OSBPL10: variants seen among roughly 807,000 people sequenced by gnomAD.
OSBPL10 encodes oxysterol-binding protein-related protein 10.
In OSBPL10, 49 loss-of-function variants were observed where a neutral mutation model predicts 81.7. That is an observed-to-expected ratio of 0.60 (90% CI 0.48 to 0.76). OSBPL10 has a LOEUF of 0.76. Ranked by LOEUF, OSBPL10 falls within the 30% of genes least tolerant of loss-of-function variation. The pLI is 0.00. For missense variants in OSBPL10, 923 were observed against 987.8 expected (o/e 0.93, Z 0.88); for synonymous variants, 419 against 383.6 (o/e 1.09, Z -1.08).
rs1315713480 is a variant in OSBPL10, at chr3:32,064,280, T to C, written n.185+13116A>G. ...CACCTGGCCAGTATTTCTTTTTTTA[T>C]ACCAGATATGTGCTATTTGAAAACT... On this transcript the variant is annotated intron_variant and non_coding_transcript_variant, in intron 1 of 3. Transcript: ENST00000479173. The C allele has an allele frequency of 2.1e-5, 2 of 94,244 alleles. 1 individual carries two copies. Among genetic ancestry groups the C allele is most frequent in the African/African-American group, 5.5e-5 (2 of 36,540 alleles). The allele number at this position is 94,244 out of a possible 1,614,324, so 5.8% of individuals were successfully genotyped here. A position where few individuals can be genotyped will look rare whatever the true frequency, so the allele number is the denominator to read the frequency against.
intron 3 of OSBPL10, among the ~76,000 whole-genome samples, chr3:31,858,452 C>A (rs1344464900): frequency 6.6e-6 from 1 of 152,082 alleles, no homozygotes; most frequent in African/African-American, 2.4e-5. Context: ...TTCGCAGGGC[C>A]CAACTTAGCT....
chr3:32,049,051 C>T (rs916944345), intron 1 of OSBPL10, among the ~76,000 whole-genome samples: 4 of 152,130 alleles, frequency 2.6e-5, no homozygotes, highest in Non-Finnish European at 4.4e-5. Context: ...AGGGAAGGAC[C>T]CCTCAGTTCC....
intron 1 of OSBPL10, among the ~76,000 whole-genome samples, chr3:31,973,012 G>A (rs1698606178): frequency 2.0e-5 from 3 of 152,158 alleles, no homozygotes; most frequent in Non-Finnish European, 4.4e-5. Flanking sequence ...ACCATATTCA[G>A]TCCAGTCTAG....
intron 2 of OSBPL10, among the ~76,000 whole-genome samples, chr3:32,020,591 A>C (rs1391860926): frequency 6.6e-6 from 1 of 152,206 alleles, no homozygotes; most frequent in Non-Finnish European, 1.5e-5. Flanking sequence ...TGCTGCTATG[A>C]GTAATTGCGT....
rs563619550 is a variant in OSBPL10, at chr3:31,702,811, C to T, written c.1096-303G>A. Among the ~76,000 whole-genome samples the T allele has an allele frequency of 1.9e-4, 29 of 152,266 alleles. No individual in the cohort carries two copies. In the South Asian group the frequency reaches 5.4e-3, roughly 28 times the overall value. On this transcript the variant is annotated intron_variant, in intron 6 of 11. Transcript: ENST00000396556. The stretch of plus-strand genomic sequence containing the variant: ...CTAACTATAGTATATGGGTATGAGC[C>T]CCCTTCATTTTGCCTATTAGCAAGT...
intron 1 of OSBPL10, among the ~76,000 whole-genome samples, chr3:31,892,157 AAGAGG>A (rs771469819): frequency 1.3e-5 from 2 of 151,686 alleles, no homozygotes; most frequent in East Asian, 1.9e-4. Flanking sequence ...GGACTCGGGG[AAGAGG>A]AGAGGAGAGA....
At chr3:31,951,299 TACA>T (rs1223211430) in intron 1 of OSBPL10, among the ~76,000 whole-genome samples, 3 of 152,068 alleles carry the variant, frequency 2.0e-5, no homozygotes, top group Non-Finnish European at 2.9e-5. Context: ...GAAAACTATA[TACA>T]ACATCCTTTT....
chr3:31,784,185 AAAAAC>A (rs1440964923), intron 4 of OSBPL10, among the ~76,000 whole-genome samples: 3 of 151,952 alleles, frequency 2.0e-5, no homozygotes, highest in Admixed American at 2.0e-4. Context: ...CTAAAAATAC[AAAAAC>A]AAAACAAAAC....
intron 1 of OSBPL10, among the ~76,000 whole-genome samples, chr3:31,925,077 C>CA (rs1256988364): frequency 6.6e-6 from 1 of 151,918 alleles, no homozygotes; most frequent in African/African-American, 2.4e-5. Context: ...TGGCTGTCAC[C>CA]AAAAAAACTC....
At chr3:31,757,264 A>G (rs193063413) in intron 4 of OSBPL10, among the ~76,000 whole-genome samples, 28 of 152,282 alleles carry the variant, frequency 1.8e-4, no homozygotes, top group African/African-American at 5.5e-4. Flanking sequence ...TAAGATCTTG[A>G]GGGTGGTCCC....
rs970532805 is a variant in OSBPL10 at position 31,879,745 on chromosome 3, A to G, written c.367T>C (p.Ser123Pro). The G allele has an allele frequency of 1.9e-6, 3 of 1,614,070 alleles. No homozygotes were observed. The highest frequency in any genetic ancestry group is 2.5e-6 in the Non-Finnish European group (3 of 1,180,040). ...SKHQKPRGVL[S>P]LSGAIVSLSD... ...AGGGACACTATGGCTCCAGATAAAGACAGGACTCCTCGAGGCTTCTGGTGT... is the reference window on the plus strand; with the variant it reads ...AGGGACACTATGGCTCCAGATAAAGGCAGGACTCCTCGAGGCTTCTGGTGT... Residue 123 changes from serine (S) to proline (P), a missense_variant, in exon 2 of 12, where the codon TCT becomes CCT. Physicochemically the swap from Ser to Pro is moderately conservative, Grantham distance 74. This residue lies in a region of OSBPL10 where 514 missense variants were observed against 508.0 expected (regional missense o/e 1.01). Coordinates refer to ENST00000396556, the MANE Select transcript of OSBPL10 (RefSeq NM_017784.5).
intron 1 of OSBPL10, among the ~76,000 whole-genome samples, chr3:31,898,628 C>A (rs1345802125): frequency 6.6e-6 from 1 of 151,230 alleles, no homozygotes; most frequent in African/African-American, 2.4e-5. Flanking sequence ...AAATAAATAT[C>A]TTTACAAATA....
chr3:31,988,976 A>T (rs1698982714), intron 2 of OSBPL10: 1 of 1,481,256 alleles, frequency 6.8e-7, no homozygotes. Context: ...TAAGCCACGA[A>T]GTTTGTGATA....
chr3:31,905,594 C>A (rs1240286063), intron 1 of OSBPL10, among the ~76,000 whole-genome samples: 1 of 151,976 alleles, frequency 6.6e-6, no homozygotes, highest in Non-Finnish European at 1.5e-5. Context: ...AAGTGATCCA[C>A]CTGCCTCAGC....
chr3:31,809,871 T>TC (rs1313114380), intron 4 of OSBPL10, among the ~76,000 whole-genome samples: 4 of 142,660 alleles, frequency 2.8e-5, no homozygotes, highest in Non-Finnish European at 6.0e-5. Flanking sequence ...CCCTGACTCT[T>TC]TTTTTTTTTT....
chr3:31,935,092 G>A (rs1559524100), intron 1 of OSBPL10, among the ~76,000 whole-genome samples: 1 of 152,146 alleles, frequency 6.6e-6, no homozygotes, highest in Non-Finnish European at 1.5e-5. Flanking sequence ...TTGTGTGCCA[G>A]CCTCACAGAT....
At chr3:31,913,004 ACACACACACATATACC>A (rs1696633533) in intron 1 of OSBPL10, among the ~76,000 whole-genome samples, 1 of 152,178 alleles carries the variant, frequency 6.6e-6, no homozygotes, top group African/African-American at 2.4e-5. Flanking sequence ...GTTTGTACAT[ACACACACACATATACC>A]CACACACCCG....
chr3:31,787,257 A>T (rs1250211249), intron 4 of OSBPL10, among the ~76,000 whole-genome samples: 2 of 152,186 alleles, frequency 1.3e-5, no homozygotes, highest in African/African-American at 4.8e-5. Flanking sequence ...TTGTGGATTG[A>T]TTTAACTACA....
chr3:31,905,129 T>C (rs1696365701), intron 1 of OSBPL10, among the ~76,000 whole-genome samples: 2 of 152,108 alleles, frequency 1.3e-5, no homozygotes, highest in Admixed American at 6.5e-5. Context: ...ATTAATAACA[T>C]AAATGAAGGA....
Sources: allele counts gnomAD v4.1 joint callset (sites outside exome capture counted in the v4.1 genomes callset), GRCh38; gene constraint gnomAD v4.1.1; regional missense constraint gnomAD v4.1.1; transcripts MANE v1.5; gene names NCBI Gene and HGNC (gene_info 2026-07-23, HGNC 2026-07-21).